RNF13: variants seen among roughly 807,000 people sequenced by gnomAD.
RNF13 encodes the protein ring finger protein 13.
Under a neutral mutation model 37.7 loss-of-function variants are expected in RNF13, and 19 were observed. The observed-to-expected ratio is 0.50, with a 90% CI of 0.35 to 0.74. RNF13 has a LOEUF of 0.74. Among genes scored for constraint, RNF13 ranks in the 30% least tolerant of loss-of-function variants. The pLI is 0.01. For missense variants in RNF13, 375 were observed against 453.0 expected (o/e 0.83, Z 1.56); for synonymous variants, 144 against 157.8 (o/e 0.91, Z 0.65).
chr3:149,892,574 G>GT (rs1177345383), intron 4 of RNF13, among the ~76,000 whole-genome samples: 22 of 152,202 alleles, frequency 1.4e-4, no homozygotes, highest in Admixed American at 1.4e-3. Context: ...ATGGCAGGAG[G>GT]TGAGCGGTGG....
At chr3:149,931,721 C>T (rs1161189000) in intron 8 of RNF13, among the ~76,000 whole-genome samples, 1 of 152,174 alleles carries the variant, frequency 6.6e-6, no homozygotes, top group Non-Finnish European at 1.5e-5. Context: ...AGCTTCTCAT[C>T]TAGCTATTTG....
intron 8 of RNF13, among the ~76,000 whole-genome samples, chr3:149,954,248 T>C (rs912854226): frequency 3.9e-5 from 6 of 152,192 alleles, no homozygotes; most frequent in South Asian, 4.1e-4. Flanking sequence ...TTGCATCTAA[T>C]TGAAAACATA....
Position 149,872,016 on chromosome 3 carries a change from A to G in RNF13, c.196-13A>G. ...GTGAAACAGAGAGATAATTTTTACC[A>G]ATTCTTTTTCAGGGTTTTTTGATTA... is the stretch of plus-strand genomic sequence containing the variant. On this transcript the variant is annotated splice_polypyrimidine_tract_variant and intron_variant, in intron 3 of 9. Coordinates refer to ENST00000392894, the MANE Select transcript of RNF13 (RefSeq NM_183381.3). The G allele has an allele frequency of 6.3e-7, 1 of 1,576,600 alleles. No homozygotes were observed. The highest frequency in any genetic ancestry group is 8.6e-7 in the Non-Finnish European group (1 of 1,168,580).
chr3:149,960,227 A>G (rs1438709381), intron 9 of RNF13, 91 bp downstream of exon 9: 1 of 861,292 alleles, frequency 1.2e-6, no homozygotes, highest in Non-Finnish European at 1.9e-6. Flanking sequence ...AATAGTTATT[A>G]GCACACCAGA....
chr3:149,902,141 A>G lies in RNF13; in HGVS notation c.479A>G (p.Asp160Gly), dbSNP rs144710366. The G allele has an allele frequency of 5.1e-5, 78 of 1,514,586 alleles. 1 individual carries two copies. The African/African-American group carries it at 1.1e-3, about 21-fold the overall frequency. 93.8% of individuals were successfully genotyped at this position (1,514,586 alleles called of 1,614,324 possible). A position where few individuals can be genotyped will look rare whatever the true frequency, so the allele number is the denominator to read the frequency against. The change falls in exon 6 of 10, where the codon GAT (aspartate) becomes GGT (glycine). Residue 160 changes from aspartate (D) to glycine (G), a missense_variant. Transcript: ENST00000392894. ...GAATCATCAGCTAATTCTCTGAAAG[A>G]TGAATTCACATATGAAAAAGGGTAA... ...IGESSANSLK[D>G]EFTYEKGGHL... is the part of the protein sequence containing the mutation.
At chr3:149,911,944 C>T in intron 6 of RNF13, 34 bp from the exon 7 acceptor site, 1 of 1,083,966 alleles carries the variant, frequency 9.2e-7, no homozygotes, top group Non-Finnish European at 1.4e-6. Context: ...AACAACTCTT[C>T]ATTTCTCAAT....
chr3:149,950,290 T>C (rs1721194090), intron 8 of RNF13, among the ~76,000 whole-genome samples: 1 of 17,736 alleles, frequency 5.6e-5, no homozygotes, highest in African/African-American at 1.0e-4. Flanking sequence ...TGAGTCTGTT[T>C]GTGATGCCTG....
At chr3:149,895,224 C>T in intron 4 of RNF13, 1 of 327,896 alleles carries the variant, frequency 3.0e-6, no homozygotes, top group Non-Finnish European at 5.5e-6. Context: ...AAGTAATTTG[C>T]TCAAGTTCAT....
At chr3:149,940,773 T>C (rs867514650) in intron 8 of RNF13, among the ~76,000 whole-genome samples, 1 of 152,176 alleles carries the variant, frequency 6.6e-6, no homozygotes, top group Non-Finnish European at 1.5e-5. Flanking sequence ...ATTTACATTA[T>C]TGTGCAACCA....
intron 4 of RNF13, among the ~76,000 whole-genome samples, chr3:149,891,492 G>C (rs1433663258): frequency 6.6e-6 from 1 of 152,158 alleles, no homozygotes; most frequent in East Asian, 1.9e-4. Flanking sequence ...TGACAGACTG[G>C]CTATTTATAA....
chr3:149,871,057 T>TC (rs1559919395), intron 3 of RNF13, among the ~76,000 whole-genome samples: 2 of 149,200 alleles, frequency 1.3e-5, no homozygotes, highest in Non-Finnish European at 1.5e-5. Context: ...TTTTTTTTTT[T>TC]CCGAGACGGA....
chr3:149,842,321 G>A (rs1463114491), intron 1 of RNF13, among the ~76,000 whole-genome samples: 1 of 152,058 alleles, frequency 6.6e-6, no homozygotes, highest in Non-Finnish European at 1.5e-5. Context: ...CTTTCTCACT[G>A]TGGTCTTCCT....
intron 1 of RNF13, among the ~76,000 whole-genome samples, chr3:149,842,783 T>G (rs1722300842): frequency 6.6e-6 from 1 of 152,240 alleles, no homozygotes; most frequent in African/African-American, 2.4e-5. Context: ...GTAGTTTTTA[T>G]TTTGTATAAA....
At chr3:149,841,970 G>A (rs546299380) in intron 1 of RNF13, among the ~76,000 whole-genome samples, 17 of 152,012 alleles carry the variant, frequency 1.1e-4, no homozygotes, top group African/African-American at 4.1e-4. Context: ...ACCCTCTTGC[G>A]CCTTCTCCAA....
rs748492236 is a variant in RNF13, at chr3:149,902,096, T to C, written c.434T>C (p.Ile145Thr). ...GTTGAGGTACTAAAGAAAATTGACA[T>C]TCCATCTGTCTTTATTGGTGAATCA... ...NDIEVLKKID[I>T]PSVFIGESSA... The change falls in exon 6 of 10, where the codon ATT (isoleucine) becomes ACT (threonine). Residue 145 changes from isoleucine (I) to threonine (T), a missense_variant. Transcript: ENST00000392894. 1 of 1,496,110 alleles carries C rather than the reference T, an allele frequency of 6.7e-7. No homozygotes were observed. The highest frequency in any genetic ancestry group is 9.0e-7 in the Non-Finnish European group (1 of 1,113,698). The allele number at this position is 1,496,110 out of a possible 1,614,324, so 92.7% of individuals were successfully genotyped here.
chr3:149,867,892 T>G (rs1711541043), intron 3 of RNF13, among the ~76,000 whole-genome samples: 1 of 151,908 alleles, frequency 6.6e-6, no homozygotes, highest in Non-Finnish European at 1.5e-5. Context: ...TTTTCTCTGA[T>G]AGTACTTTTT....
In RNF13 at chr3:149,813,308, G is replaced by T. The variant is rs894262103; in HGVS notation, c.-62G>T. The T allele has an allele frequency of 1.3e-5, 2 of 152,268 alleles. No individual in the cohort carries two copies. The highest frequency in any genetic ancestry group is 4.8e-5 in the African/African-American group (2 of 41,442). The allele number at this position is 152,268 out of a possible 1,614,324, so 9.4% of individuals were successfully genotyped here. A position where few individuals can be genotyped will look rare whatever the true frequency, so the allele number is the denominator to read the frequency against. On this transcript the variant is annotated 5_prime_UTR_variant, in exon 1 of 10. Transcript: ENST00000392894. The stretch of plus-strand genomic sequence containing the variant: ...TCAGGGTAGGGACTTCTCCCGCAGC[G>T]ACGCGGCTGGCAAGACTGTTTGTGT...
At chr3:149,952,065 A>G (rs1398766658) in intron 8 of RNF13, among the ~76,000 whole-genome samples, 1 of 152,180 alleles carries the variant, frequency 6.6e-6, no homozygotes, top group Non-Finnish European at 1.5e-5. Flanking sequence ...TCAAAGAGAA[A>G]AGGAAAGACC....
At chr3:149,879,693 G>A (rs73009639) in intron 4 of RNF13, among the ~76,000 whole-genome samples, 4,101 of 152,144 alleles carry the variant, frequency 0.027, 180 homozygotes, top group African/African-American at 0.093. Flanking sequence ...CTCTATATTT[G>A]CACTAATTTT....
Sources: gnomAD v4.1 joint callset for allele counts (sites outside exome capture counted in the v4.1 genomes callset) on GRCh38, gnomAD v4.1.1 for gene constraint, MANE v1.5 for transcripts, NCBI Gene and HGNC (gene_info 2026-07-23, HGNC 2026-07-21) for gene names.